The following LGR5 variants were observed in gnomAD, a reference collection of about 807,000 sequenced individuals.
The protein encoded by LGR5 is leucine rich repeat containing G protein-coupled receptor 5, also known as leucine-rich repeat-containing G protein-coupled receptor 5.
In LGR5, 54 loss-of-function variants were observed where a neutral mutation model predicts 76.7. The observed-to-expected ratio is 0.70, with a 90% CI of 0.57 to 0.88. The LOEUF (loss-of-function observed/expected upper bound fraction) is 0.88. Ranked by LOEUF, LGR5 falls within the 40% of genes least tolerant of loss-of-function variation. LGR5 has a pLI of 0.00. For missense variants in LGR5, 1,078 were observed against 1,073.3 expected (o/e 1.00, Z -0.06); for synonymous variants, 406 against 421.9 (o/e 0.96, Z 0.46).
At chr12:71,450,421 A>G (rs1872199177) in intron 1 of LGR5, among the ~76,000 whole-genome samples, 1 of 152,234 alleles carries the variant, frequency 6.6e-6, no homozygotes, top group Admixed American at 6.5e-5. Context: ...AGTTTGAAGA[A>G]TAATTAAGCA....
At chr12:71,525,738 A>G (rs547367503) in intron 3 of LGR5, among the ~76,000 whole-genome samples, 2 of 151,846 alleles carry the variant, frequency 1.3e-5, no homozygotes, top group Admixed American at 1.3e-4. Context: ...GTATCTCCAG[A>G]CATCAAATTA....
chr12:71,568,312 G>A (rs1346645908), intron 11 of LGR5, among the ~76,000 whole-genome samples: 3 of 152,192 alleles, frequency 2.0e-5, no homozygotes, highest in Admixed American at 2.0e-4. Context: ...AGGATCTTGA[G>A]CACATTATTA....
Position 71,440,414 on chromosome 12 carries a change from A to C in LGR5, c.212+122A>C. ...GTGGGGGAGGGGGGCGAGTTTGTCA[A>C]GGGCATCCTGGCCAGGCCTGTTAGG... is the stretch of plus-strand genomic sequence containing the variant. On this transcript the variant is annotated intron_variant, in intron 1 of 17. Transcript: ENST00000266674. This position sits in a 1 kb window ranked among gnomAD's most constrained non-coding sequence, Gnocchi z 5.3. 1 of 916,872 alleles carries C rather than the reference A, an allele frequency of 1.1e-6. No homozygotes were observed. Among genetic ancestry groups the C allele is most frequent in the Non-Finnish European group, 1.7e-6 (1 of 585,310 alleles). 56.8% of individuals were successfully genotyped at this position (916,872 alleles called of 1,614,324 possible).
chr12:71,495,660 G>T (rs1184864695), intron 1 of LGR5, among the ~76,000 whole-genome samples: 1 of 151,272 alleles, frequency 6.6e-6, no homozygotes, highest in African/African-American at 2.5e-5. Context: ...GTACAAAGAT[G>T]TTAAATAACT....
chr12:71,466,957 T>A lies in LGR5; in HGVS notation c.212+26665T>A, dbSNP rs530537843. On this transcript the variant is annotated intron_variant, in intron 1 of 17. Coordinates refer to ENST00000266674, the MANE Select transcript of LGR5 (RefSeq NM_003667.4). ...TACCAAGAAGTTATGTAAGGTAGGG[T>A]ATGAATGCTTGGAGGATGAGGAAGG... Among the ~76,000 whole-genome samples the A allele has an allele frequency of 2.6e-5, 4 of 151,966 alleles. No homozygotes were observed. The South Asian group carries it at 8.3e-4, about 32-fold the overall frequency.
Position 71,583,741 on chromosome 12 carries a change from G to T in LGR5, c.1731G>T (p.Leu577Phe), listed in dbSNP as rs1879188986. The change falls in exon 18 of 18, where the codon TTG becomes TTT. Residue 577 changes from leucine (L) to phenylalanine (F), a missense_variant. Leu to Phe is a conservative substitution (Grantham distance 22). Coordinates refer to ENST00000266674, the MANE Select transcript of LGR5 (RefSeq NM_003667.4). Reference sequence around the variant, plus strand: ...TTCTGGCACTTACTTGTAATGCTTTGGTGACTTCAACAGTTTTCAGATCCC... The same window carrying T: ...TTCTGGCACTTACTTGTAATGCTTTTGTGACTTCAACAGTTTTCAGATCCC... ...IAVLALTCNA[L>F]VTSTVFRSPL... is the part of the protein sequence containing the mutation. The T allele has an allele frequency of 1.2e-6, 2 of 1,614,028 alleles. No homozygotes were observed. The highest frequency in any genetic ancestry group is 1.7e-6 in the Non-Finnish European group (2 of 1,180,010).
At chr12:71,505,099 G>T (rs776603955) in intron 2 of LGR5, among the ~76,000 whole-genome samples, 25 of 152,152 alleles carry the variant, frequency 1.6e-4, no homozygotes, top group Non-Finnish European at 3.2e-4. Flanking sequence ...ATGACAGGGA[G>T]AATTGAGTCC....
chr12:71,541,186 C>T (rs1475264634), intron 4 of LGR5, among the ~76,000 whole-genome samples: 1 of 152,168 alleles, frequency 6.6e-6, no homozygotes, highest in Non-Finnish European at 1.5e-5. Flanking sequence ...ATTATTTTAA[C>T]AGGAAAAGCT....
At chr12:71,520,746 T>C (rs546534388) in intron 2 of LGR5, among the ~76,000 whole-genome samples, 68 of 152,170 alleles carry the variant, frequency 4.5e-4, no homozygotes, top group African/African-American at 1.6e-3. Context: ...AGGGATAGCA[T>C]TAGGAGAAAT....
chr12:71,547,651 C>T (rs1200310051), intron 4 of LGR5, among the ~76,000 whole-genome samples: 1 of 152,170 alleles, frequency 6.6e-6, no homozygotes, highest in Non-Finnish European at 1.5e-5. Context: ...TATCAATATG[C>T]CCTCAAATCT....
intron 2 of LGR5, among the ~76,000 whole-genome samples, chr12:71,511,630 A>G (rs1316998): frequency 0.092 from 14,072 of 152,172 alleles, 697 homozygotes; most frequent in Non-Finnish European, 0.11. Context: ...AGGTGATGTC[A>G]ATACTGCTCG....
intron 2 of LGR5, among the ~76,000 whole-genome samples, chr12:71,512,182 G>A (rs12299680): frequency 0.018 from 2,803 of 152,108 alleles, 98 homozygotes; most frequent in African/African-American, 0.065. Context: ...GTAGAGATGG[G>A]GTTTCACCAT....
chr12:71,552,251 T>TA (rs1428219615), intron 4 of LGR5, among the ~76,000 whole-genome samples: 1 of 151,192 alleles, frequency 6.6e-6, no homozygotes, highest in Non-Finnish European at 1.5e-5. Flanking sequence ...TAAAGTAAAA[T>TA]AAAAAAATTA....
chr12:71,492,461 G>C (rs1424736292), intron 1 of LGR5, among the ~76,000 whole-genome samples: 1 of 152,182 alleles, frequency 6.6e-6, no homozygotes, highest in Non-Finnish European at 1.5e-5. Context: ...TCCAAGAGAT[G>C]TGTTGGTTTA....
At chr12:71,549,148 C>T (rs1286797636) in intron 4 of LGR5, among the ~76,000 whole-genome samples, 1 of 152,258 alleles carries the variant, frequency 6.6e-6, no homozygotes, top group Admixed American at 6.5e-5. Context: ...GCTTTGTCCA[C>T]AGTCTTAACC....
At chr12:71,453,899 G>A (rs1398250388) in intron 1 of LGR5, among the ~76,000 whole-genome samples, 3 of 152,028 alleles carry the variant, frequency 2.0e-5, no homozygotes, top group South Asian at 2.1e-4. Context: ...CAGTGATGGC[G>A]ATGAGGCTAA....
At chr12:71,470,711 A>G (rs1408306727) in intron 1 of LGR5, among the ~76,000 whole-genome samples, 1 of 152,130 alleles carries the variant, frequency 6.6e-6, no homozygotes, top group Non-Finnish European at 1.5e-5. Context: ...CTCCCACCCC[A>G]TCTCTAGGCA....
At chr12:71,486,609 C>CT (rs1290676731) in intron 1 of LGR5, among the ~76,000 whole-genome samples, 1 of 152,054 alleles carries the variant, frequency 6.6e-6, no homozygotes, top group African/African-American at 2.4e-5. Context: ...ATAAAAACAA[C>CT]TTTTTTTGTC....
At chr12:71,471,204 A>G (rs868275551) in intron 1 of LGR5, among the ~76,000 whole-genome samples, 22 of 152,246 alleles carry the variant, frequency 1.4e-4, no homozygotes, top group Admixed American at 1.4e-3. Flanking sequence ...GTCAACCATA[A>G]TGGGTAAGAA....
Sources: gnomAD v4.1 joint callset for allele counts (sites outside exome capture counted in the v4.1 genomes callset) on GRCh38, gnomAD v4.1.1 for gene constraint, Gnocchi (gnomAD v3.1) non-coding constraint, MANE v1.5 for transcripts, NCBI Gene and HGNC (gene_info 2026-07-23, HGNC 2026-07-21) for gene names.